Variants in RP1 observed in about 807,000 individuals in gnomAD.
RP1 encodes the protein RP1 axonemal microtubule associated, also known as oxygen-regulated protein 1.
Under a neutral mutation model 14.8 loss-of-function variants are expected in RP1, and 16 were observed. The ratio of observed to expected loss-of-function variants is 1.08; its 90% CI spans 0.73 to 1.65. RP1 has a LOEUF of 1.65. Ranked by LOEUF, RP1 falls within the 40% of genes most tolerant of loss-of-function variation. The pLI is 0.00. For synonymous variants in RP1, 876 were observed against 883.6 expected (o/e 0.99, Z 0.15); for missense variants, 2,631 against 2,535.0 (o/e 1.04, Z -0.81).
chr8:54,698,066 C>G (rs963048303), intron 12 of RP1, among the ~76,000 whole-genome samples: 2 of 152,162 alleles, frequency 1.3e-5, no homozygotes, highest in Admixed American at 6.5e-5. Flanking sequence ...TAAAGAGCTT[C>G]TGCACAGCAA....
chr8:54,777,062 ATTTC>A (rs1298902897), intron 23 of RP1, among the ~76,000 whole-genome samples: 1 of 152,152 alleles, frequency 6.6e-6, no homozygotes, highest in Non-Finnish European at 1.5e-5. Flanking sequence ...AAATCACTGT[ATTTC>A]TTTGTGCCTC....
At chr8:54,639,909 T>C (rs1256589183) in intron 3 of RP1, among the ~76,000 whole-genome samples, 2 of 152,194 alleles carry the variant, frequency 1.3e-5, no homozygotes, top group Non-Finnish European at 2.9e-5. Context: ...CTTTTCACTT[T>C]CTTAGTGGTG....
chr8:54,853,627 T>A (rs1168957605), intron 26 of RP1, among the ~76,000 whole-genome samples: 8 of 151,738 alleles, frequency 5.3e-5, no homozygotes, highest in Non-Finnish European at 1.0e-4. Flanking sequence ...AAATAAAAAA[T>A]TATAAAATAT....
At chr8:54,641,537 T>C (rs1387646113) in intron 3 of RP1, among the ~76,000 whole-genome samples, 5 of 152,166 alleles carry the variant, frequency 3.3e-5, no homozygotes, top group Non-Finnish European at 7.4e-5. Context: ...CTCCTGCTAA[T>C]GAGAGAAATT....
At chr8:54,861,951 G>A (rs1387329149) in intron 27 of RP1, among the ~76,000 whole-genome samples, 1 of 152,156 alleles carries the variant, frequency 6.6e-6, no homozygotes, top group Non-Finnish European at 1.5e-5. Flanking sequence ...TAGGAGGGTG[G>A]TTCCCAACTG....
At chr8:54,798,036 C>T (rs1014527206) in intron 24 of RP1, among the ~76,000 whole-genome samples, 9 of 152,038 alleles carry the variant, frequency 5.9e-5, no homozygotes, top group African/African-American at 2.2e-4. Flanking sequence ...TTATTTGAGA[C>T]AGAGTCTTAC....
chr8:54,676,137 A>G (rs1001561745), intron 8 of RP1, among the ~76,000 whole-genome samples: 3 of 152,072 alleles, frequency 2.0e-5, no homozygotes, highest in Non-Finnish European at 2.9e-5. Flanking sequence ...GTTCCAATAG[A>G]TGAATTTTAG....
In RP1 at chr8:54,626,674, C is replaced by G. The variant is rs900863463; in HGVS notation, c.2792C>G (p.Pro931Arg). 1.9e-6 allele frequency: 3 copies of G among 1,613,742 alleles called. No homozygotes were observed. The African/African-American group carries it at 4.0e-5, about 22-fold the overall frequency. The change falls in exon 4 of 4, where the codon CCT (proline) becomes CGT (arginine). Residue 931 changes from proline (P) to arginine (R), a missense_variant. By Grantham distance (103) the Pro-to-Arg change is moderately radical (BLOSUM62 -2). Transcript: ENST00000220676. ...ATAAATCCATATCCAACTTTAAAGC[C>G]TATAAAATCAGCTCCAGTATGTAGA... ...QNINPYPTLKPIKSAPVCRNE... is the reference protein window; with the variant it reads ...QNINPYPTLKRIKSAPVCRNE...
At chr8:54,744,138 C>T (rs1809165677) in intron 19 of RP1, among the ~76,000 whole-genome samples, 1 of 152,138 alleles carries the variant, frequency 6.6e-6, no homozygotes, top group African/African-American at 2.4e-5. Flanking sequence ...GAATATTGTG[C>T]ATTACTGTAG....
chr8:54,795,797 C>T (rs1810564431), intron 24 of RP1, among the ~76,000 whole-genome samples: 1 of 152,076 alleles, frequency 6.6e-6, no homozygotes, highest in Non-Finnish European at 1.5e-5. Flanking sequence ...CTTGCGTTTT[C>T]AGGATTATTC....
At chr8:54,681,980 T>C (rs1180487955) in intron 12 of RP1, among the ~76,000 whole-genome samples, 1 of 152,190 alleles carries the variant, frequency 6.6e-6, no homozygotes, top group Non-Finnish European at 1.5e-5. Flanking sequence ...TCTTTGCTAT[T>C]GTGAATAGTG....
At chr8:54,801,627 T>G (rs989480528) in intron 24 of RP1, among the ~76,000 whole-genome samples, 21 of 152,144 alleles carry the variant, frequency 1.4e-4, no homozygotes, top group African/African-American at 4.6e-4. Flanking sequence ...TCTTTCTCGG[T>G]GTTCACCTCA....
chr8:54,607,117 G>A (rs1430326889), intron 1 of RP1, among the ~76,000 whole-genome samples: 13 of 152,140 alleles, frequency 8.5e-5, no homozygotes, highest in East Asian at 3.9e-4. Flanking sequence ...GAGGAGAGGC[G>A]CTCTGATTTT....
chr8:54,629,973 AGGT>A lies in RP1; in HGVS notation c.6092_6094del (p.Arg2031_Phe2032delinsIle). The A allele has an allele frequency of 6.2e-7, 1 of 1,614,034 alleles. No individual in the cohort carries two copies. The highest frequency in any genetic ancestry group is 8.5e-7 in the Non-Finnish European group (1 of 1,179,958). ...GAAATTTCAACCAGATTTGAAGGAA[AGGT>A]TTTGTATGAATTTCTTGCACACATC... On this transcript the variant is annotated inframe_deletion, in exon 4 of 4. Transcript: ENST00000220676.
chr8:54,563,445 A>G (rs891080963), intron 1 of RP1, among the ~76,000 whole-genome samples: 1 of 152,162 alleles, frequency 6.6e-6, no homozygotes, highest in African/African-American at 2.4e-5. Context: ...TAGATAAAAT[A>G]TCTCCCTTGC....
chr8:54,812,497 T>A (rs1811022251), intron 24 of RP1, among the ~76,000 whole-genome samples: 1 of 152,222 alleles, frequency 6.6e-6, no homozygotes, highest in African/African-American at 2.4e-5. Context: ...TTGGTTCCTA[T>A]GATATGGTAA....
chr8:54,836,981 G>T (rs1473797430), intron 24 of RP1, among the ~76,000 whole-genome samples: 1 of 152,020 alleles, frequency 6.6e-6, no homozygotes, highest in African/African-American at 2.4e-5. Flanking sequence ...GGGGTGCAAA[G>T]GAATACAATC....
chr8:54,581,001 T>C (rs1198476831), intron 1 of RP1, among the ~76,000 whole-genome samples: 2 of 151,360 alleles, frequency 1.3e-5, no homozygotes, highest in African/African-American at 4.8e-5. Context: ...TATTTATTTA[T>C]CTATTTATTT....
chr8:54,564,452 G>C (rs947987982), intron 1 of RP1, among the ~76,000 whole-genome samples: 1 of 152,164 alleles, frequency 6.6e-6, no homozygotes, highest in Admixed American at 6.5e-5. Flanking sequence ...GAAGTACTGA[G>C]CTCAGAGGGT....
Sources: gnomAD v4.1 joint callset for allele counts (sites outside exome capture counted in the v4.1 genomes callset) on GRCh38, gnomAD v4.1.1 for gene constraint, MANE v1.5 for transcripts, NCBI Gene and HGNC (gene_info 2026-07-23, HGNC 2026-07-21) for gene names.